ANKRD6: variants seen among roughly 807,000 people sequenced by gnomAD.
The protein encoded by ANKRD6 is ankyrin repeat domain 6.
ANKRD6 carries 56 observed loss-of-function variants against 82.3 expected under a neutral mutation model. The ratio of observed to expected loss-of-function variants is 0.68; its 90% confidence interval spans 0.55 to 0.85. ANKRD6 has a LOEUF of 0.85. Ranked by LOEUF, ANKRD6 falls within the 40% of genes least tolerant of loss-of-function variation. The pLI is 0.00. For missense variants in ANKRD6, 852 were observed against 907.6 expected (o/e 0.94, Z 0.79); for synonymous variants, 347 against 352.1 (o/e 0.99, Z 0.16).
chr6:89,497,377 T>C (rs1778745612), intron 1 of ANKRD6, among the ~76,000 whole-genome samples: 1 of 152,252 alleles, frequency 6.6e-6, no homozygotes, highest in Non-Finnish European at 1.5e-5. Context: ...TCCTACCTCC[T>C]GGTGAGTTCT....
At chr6:89,548,347 T>C (rs1785383187) in intron 1 of ANKRD6, among the ~76,000 whole-genome samples, 2 of 152,354 alleles carry the variant, frequency 1.3e-5, no homozygotes, top group South Asian at 2.1e-4. Context: ...ATCTATGTTA[T>C]AGCATGTATC....
chr6:89,628,005 T>C (rs181461321), intron 14 of ANKRD6, among the ~76,000 whole-genome samples: 5 of 152,298 alleles, frequency 3.3e-5, no homozygotes, highest in Admixed American at 1.3e-4. Flanking sequence ...CAAGACATAG[T>C]TTCTACCCTC....
intron 2 of ANKRD6, among the ~76,000 whole-genome samples, chr6:89,591,166 C>T (rs1015655101): frequency 6.6e-6 from 1 of 152,112 alleles, no homozygotes; most frequent in Admixed American, 6.6e-5. Flanking sequence ...TGCAATGGTG[C>T]GATCACAGCT....
At chr6:89,519,684 C>T (rs1043333763) in intron 1 of ANKRD6, among the ~76,000 whole-genome samples, 10 of 152,166 alleles carry the variant, frequency 6.6e-5, no homozygotes, top group Non-Finnish European at 1.5e-5. Flanking sequence ...CTTGGGCCTA[C>T]AGATAGTAAT....
chr6:89,466,974 T>C (rs1241405022), intron 1 of ANKRD6, among the ~76,000 whole-genome samples: 1 of 152,214 alleles, frequency 6.6e-6, no homozygotes, highest in Non-Finnish European at 1.5e-5. Flanking sequence ...CCCAAAGTGC[T>C]GGGATTTCAG....
At chr6:89,527,270 G>A (rs1782602433) in intron 1 of ANKRD6, among the ~76,000 whole-genome samples, 1 of 152,078 alleles carries the variant, frequency 6.6e-6, no homozygotes, top group African/African-American at 2.4e-5. Context: ...AAAGGATTAT[G>A]TCTAAAAGGA....
chr6:89,605,977 G>C, intron 4 of ANKRD6, 30 bp from the exon 5 acceptor site: 1 of 1,508,752 alleles, frequency 6.6e-7, no homozygotes, highest in Non-Finnish European at 9.0e-7. Flanking sequence ...CTTGGGTAAT[G>C]TGCCTTTCCC....
intron 1 of ANKRD6, among the ~76,000 whole-genome samples, chr6:89,518,448 A>G (rs914648819): frequency 6.6e-6 from 1 of 152,112 alleles, no homozygotes; most frequent in Non-Finnish European, 1.5e-5. Flanking sequence ...CAGGTAAGTG[A>G]TCTGAATGAA....
At chr6:89,623,021 G>T (rs1408626437) in intron 10 of ANKRD6, among the ~76,000 whole-genome samples, 3 of 121,996 alleles carry the variant, frequency 2.5e-5, no homozygotes, top group Non-Finnish European at 5.4e-5. Flanking sequence ...GGAGTGGGGG[G>T]TGGGGGGGGC....
chr6:89,556,384 C>G (rs1583261490), intron 1 of ANKRD6, among the ~76,000 whole-genome samples: 1 of 152,212 alleles, frequency 6.6e-6, no homozygotes, highest in South Asian at 2.1e-4. Context: ...ACTAGCTGAC[C>G]AGCTTGTGCT....
chr6:89,505,769 A>T (rs773888898), intron 1 of ANKRD6, among the ~76,000 whole-genome samples: 6 of 152,254 alleles, frequency 3.9e-5, no homozygotes, highest in Non-Finnish European at 8.8e-5. Context: ...AATCACTGTC[A>T]TAAAGAGACA....
chr6:89,443,798 A>G (rs1426469441), intron 1 of ANKRD6, among the ~76,000 whole-genome samples: 2 of 152,246 alleles, frequency 1.3e-5, no homozygotes, highest in Non-Finnish European at 2.9e-5. Flanking sequence ...AGCCTTGCCT[A>G]CCTGATAGGA....
chr6:89,450,300 G>C (rs1171866550), intron 1 of ANKRD6, among the ~76,000 whole-genome samples: 2 of 151,118 alleles, frequency 1.3e-5, no homozygotes, highest in East Asian at 3.9e-4. Context: ...GACAGAGTGA[G>C]ACTCCATCTC....
At chr6:89,435,577 C>G (rs141557228) in intron 1 of ANKRD6, among the ~76,000 whole-genome samples, 1 of 152,202 alleles carries the variant, frequency 6.6e-6, no homozygotes, top group Non-Finnish European at 1.5e-5. Flanking sequence ...GTCTCAAAGT[C>G]GGGGGATCTT....
rs75865475 is a variant in ANKRD6 at position 89,455,151 on chromosome 6, GT to G, written c.-144+21791del. Reference sequence around the variant, plus strand: ...GAGCCACCACACCCAGTGTGTGTGTGTTTTTTTTTTTTTTTAATCTATGTGT... The same window carrying G: ...GAGCCACCACACCCAGTGTGTGTGTGTTTTTTTTTTTTTTAATCTATGTGT... On this transcript the variant is annotated intron_variant, in intron 1 of 15. Transcript: ENST00000339746. Among the ~76,000 whole-genome samples, 554 of 139,692 alleles carry G rather than the reference GT, an allele frequency of 4.0e-3. 1 individual carries two copies. Among genetic ancestry groups the G allele is most frequent in the South Asian group, 5.0e-3 (21 of 4,232 alleles). 91.6% of individuals were successfully genotyped at this position (139,692 alleles called of 152,430 possible). A position where few individuals can be genotyped will look rare whatever the true frequency, so the allele number is the denominator to read the frequency against.
intron 1 of ANKRD6, among the ~76,000 whole-genome samples, chr6:89,556,723 A>G (rs1321364373): frequency 6.6e-6 from 1 of 152,264 alleles, no homozygotes; most frequent in African/African-American, 2.4e-5. Context: ...AACAGTAACC[A>G]TAGAACCATG....
chr6:89,562,647 C>G (rs1787624461), intron 1 of ANKRD6: 1 of 152,200 alleles, frequency 6.6e-6, no homozygotes, highest in Admixed American at 6.5e-5. Flanking sequence ...CTTTCAGAAG[C>G]TGTGACGAGC....
Position 89,442,002 on chromosome 6 carries a change from T to C in ANKRD6, c.-144+8627T>C, listed in dbSNP as rs569797644. 2.0e-5 allele frequency among the ~76,000 whole-genome samples: 3 copies of C among 152,034 alleles called. No homozygotes were observed. In the South Asian group the frequency reaches 6.2e-4, roughly 32 times the overall value. ...GGGTTACAGCTTGGTTTTATTTTTA[T>C]TTTTTTATTTTTTTGAGACAGGGTC... On this transcript the variant is annotated intron_variant, in intron 1 of 15. Coordinates refer to ENST00000339746, the MANE Select transcript of ANKRD6 (RefSeq NM_001242809.2).
At chr6:89,479,388 C>T (rs993199970) in intron 1 of ANKRD6, among the ~76,000 whole-genome samples, 1 of 152,112 alleles carries the variant, frequency 6.6e-6, no homozygotes, top group African/African-American at 2.4e-5. Context: ...ACTACTGAGA[C>T]AAGAATATGA....
Sources: gnomAD v4.1 joint callset for allele counts (sites outside exome capture counted in the v4.1 genomes callset) on GRCh38, gnomAD v4.1.1 for gene constraint, MANE v1.5 for transcripts, NCBI Gene and HGNC (gene_info 2026-07-23, HGNC 2026-07-21) for gene names.